The following SORBS2 variants were observed in gnomAD, a reference collection of about 807,000 sequenced individuals.
SORBS2 encodes the protein sorbin and SH3 domain-containing protein 2.
In SORBS2, 46 loss-of-function variants were observed where a neutral mutation model predicts 97.7. The ratio of observed to expected loss-of-function variants is 0.47; its 90% CI spans 0.37 to 0.60. The LOEUF is 0.60. Among genes scored for constraint, SORBS2 ranks in the 20% least tolerant of loss-of-function variants. The pLI, the probability that SORBS2 is intolerant of heterozygous loss-of-function variation, is 0.00. For missense variants in SORBS2, 1,316 were observed against 1,282.3 expected (o/e 1.03, Z -0.40); for synonymous variants, 476 against 473.4 (o/e 1.01, Z -0.07).
At chr4:185,626,921 C>T (rs767367374) in exon 6 of SORBS2, 2 of 1,614,214 alleles carry the variant, frequency 1.2e-6, no homozygotes, top group East Asian at 4.5e-5. Context: ...TCGGCCTGGG[C>T]TAGTCCTGCT....
chr4:185,614,661 G>T (rs2096600840), intron 11 of SORBS2, 170 bp downstream of exon 23: 2 of 734,976 alleles, frequency 2.7e-6, no homozygotes, highest in Non-Finnish European at 2.1e-6. Flanking sequence ...GGACCAGCAG[G>T]GAACCGTGAC....
chr4:185,606,063 T>C lies in SORBS2; in HGVS notation c.2796+5717A>G. 1 of 984,420 alleles carries C rather than the reference T, an allele frequency of 1.0e-6. No homozygotes were observed. The highest frequency in any genetic ancestry group is 1.2e-6 in the Non-Finnish European group (1 of 829,002). The allele number at this position is 984,420 out of a possible 1,614,324, so 61.0% of individuals were successfully genotyped here. ...GGGGACAGAAGTGCTGTTTTTCTTT[T>C]CTGTTGTCTTTGTTTATTATTAGCA... On this transcript the variant is annotated intron_variant, in intron 12 of 14. Transcript: ENST00000418609. This position sits in a 1 kb window ranked among gnomAD's most constrained non-coding sequence, Gnocchi z 4.3.
At chr4:185,879,483 T>A (rs2099235784) in intron 1 of SORBS2, among the ~76,000 whole-genome samples, 1 of 152,184 alleles carries the variant, frequency 6.6e-6, no homozygotes, top group African/African-American at 2.4e-5. Context: ...TAAACATACG[T>A]GTGCATGTGT....
At chr4:185,608,336 C>T (rs2096469271) in intron 12 of SORBS2, among the ~76,000 whole-genome samples, 1 of 152,188 alleles carries the variant, frequency 6.6e-6, no homozygotes, top group South Asian at 2.1e-4. Flanking sequence ...GCTGAGCTTA[C>T]ATAACTACGG....
rs75122263 is a variant in SORBS2 at position 185,767,706 on chromosome 4, A to G, written c.-198+7521T>C. Among the ~76,000 whole-genome samples, 55 of 152,158 alleles carry G rather than the reference A, an allele frequency of 3.6e-4. 1 individual carries two copies. Among genetic ancestry groups the G allele is most frequent in the East Asian group, 1.4e-3 (7 of 5,162 alleles). On this transcript the variant is annotated intron_variant, in intron 2 of 20. Transcript: ENST00000284776. ...CCCCGAGGCCTCGGTCTCTGCACCA[A>G]TTGGTCTCATCTTATTTCAAGTGCT... is the stretch of plus-strand genomic sequence containing the variant.
chr4:185,687,741 C>A (rs2097996702), intron 2 of SORBS2, among the ~76,000 whole-genome samples: 1 of 152,120 alleles, frequency 6.6e-6, no homozygotes, highest in African/African-American at 2.4e-5. Flanking sequence ...GAGGCTCTGT[C>A]TTTAATAAAG....
chr4:185,609,969 TC>T (rs1329057258), intron 12 of SORBS2, among the ~76,000 whole-genome samples: 1 of 152,208 alleles, frequency 6.6e-6, no homozygotes, highest in African/African-American at 2.4e-5. Flanking sequence ...GACATAAGCT[TC>T]TCAACATATT....
At chr4:185,891,443 C>G (rs1310373138) in intron 1 of SORBS2, among the ~76,000 whole-genome samples, 1 of 152,180 alleles carries the variant, frequency 6.6e-6, no homozygotes, top group African/African-American at 2.4e-5. Context: ...TGTTAAGGAA[C>G]AGACGTACAC....
chr4:185,611,886 T>A, exon 12 of SORBS2: 1 of 1,614,052 alleles, frequency 6.2e-7, no homozygotes, highest in Non-Finnish European at 8.5e-7. Flanking sequence ...GACCTCCACA[T>A]AGGAAACAGG....
At chr4:185,693,931 C>T (rs1412320577) in intron 2 of SORBS2, among the ~76,000 whole-genome samples, 1 of 152,172 alleles carries the variant, frequency 6.6e-6, no homozygotes, top group Non-Finnish European at 1.5e-5. Flanking sequence ...TATCCTGTTA[C>T]TTATAAATGT....
intron 1 of SORBS2, among the ~76,000 whole-genome samples, chr4:185,910,276 C>G (rs1197284630): frequency 6.6e-6 from 1 of 152,156 alleles, no homozygotes; most frequent in African/African-American, 2.4e-5. Flanking sequence ...AAGGGCCTGG[C>G]CACACCCTAC....
chr4:185,857,176 G>A (rs181579555), intron 1 of SORBS2, among the ~76,000 whole-genome samples: 53 of 152,178 alleles, frequency 3.5e-4, no homozygotes, highest in Admixed American at 1.3e-3. Context: ...TGCTGAACCC[G>A]CAGCAGAAGA....
At chr4:185,823,466 G>A (rs1231223188) in intron 1 of SORBS2, among the ~76,000 whole-genome samples, 1 of 151,160 alleles carries the variant, frequency 6.6e-6, no homozygotes, top group Admixed American at 6.6e-5. Context: ...GTTTAATAAC[G>A]AGGGATTGAG....
intron 1 of SORBS2, among the ~76,000 whole-genome samples, chr4:185,804,356 T>C (rs933703601): frequency 1.4e-4 from 22 of 152,148 alleles, no homozygotes; most frequent in African/African-American, 5.3e-4. Flanking sequence ...GGCAAGATGG[T>C]GGGTAAAAAC....
At chr4:185,879,165 T>TCCCCCCCC (rs1224668040) in intron 1 of SORBS2, among the ~76,000 whole-genome samples, 1 of 57,178 alleles carries the variant, frequency 1.7e-5, no homozygotes, top group Non-Finnish European at 3.4e-5. Context: ...ATGCTATCCC[T>TCCCCCCCC]CCCCCCCCCC....
chr4:185,827,064 C>A (rs1407777816), intron 1 of SORBS2, among the ~76,000 whole-genome samples: 2 of 113,442 alleles, frequency 1.8e-5, no homozygotes, highest in Non-Finnish European at 3.9e-5. Context: ...CCATCATCAT[C>A]ATCACCATCA....
intron 2 of SORBS2, among the ~76,000 whole-genome samples, chr4:185,760,912 A>C (rs1012502654): frequency 2.0e-5 from 3 of 152,280 alleles, no homozygotes; most frequent in African/African-American, 7.2e-5. Flanking sequence ...CCATGTTAGC[A>C]GAGCAGAAAA....
rs2096417955 is a variant in SORBS2, at chr4:185,606,331, A to G, written c.2796+5449T>C. On this transcript the variant is annotated intron_variant, in intron 12 of 14. Transcript: ENST00000418609. This position sits in a 1 kb window ranked among gnomAD's most constrained non-coding sequence, Gnocchi z 4.3. ...GAAGATTACAAAGACTATATCAATT[A>G]CAAAGACTTTTACAATATAAGTTTA... The G allele has an allele frequency of 1.0e-6, 1 of 972,280 alleles. No homozygotes were observed. The highest frequency in any genetic ancestry group is 1.8e-5 in the African/African-American group (1 of 57,102). 60.2% of individuals were successfully genotyped at this position (972,280 alleles called of 1,614,324 possible).
At chr4:185,708,967 T>C (rs1293440549) in intron 2 of SORBS2, among the ~76,000 whole-genome samples, 1 of 152,278 alleles carries the variant, frequency 6.6e-6, no homozygotes, top group Admixed American at 6.5e-5. Flanking sequence ...TATGACTGTA[T>C]GTGTCCCTCA....
Sources: gnomAD v4.1 joint callset for allele counts (sites outside exome capture counted in the v4.1 genomes callset) on GRCh38, gnomAD v4.1.1 for gene constraint, Gnocchi (gnomAD v3.1) non-coding constraint, MANE v1.5 for transcripts, NCBI Gene and HGNC (gene_info 2026-07-23, HGNC 2026-07-21) for gene names.